Variants in RANBP3 observed in about 807,000 individuals in gnomAD.
RANBP3 encodes the protein ran-binding protein 3.
RANBP3 carries 14 observed loss-of-function variants against 77.3 expected under a neutral mutation model. The observed-to-expected ratio is 0.18, with a 90% confidence interval of 0.12 to 0.28. RANBP3 has a LOEUF of 0.28. Ranked by LOEUF, RANBP3 falls within the 10% of genes least tolerant of loss-of-function variation. RANBP3 has a pLI of 1.00. For synonymous variants in RANBP3, 315 were observed against 312.4 expected (o/e 1.01, Z -0.09); for missense variants, 586 against 752.3 (o/e 0.78, Z 2.59).
At chr19:5,918,121 G>C (rs1160376781) in intron 15 of RANBP3, 141 bp from the exon 16 acceptor site, 28 of 971,124 alleles carry the variant, frequency 2.9e-5, no homozygotes, top group Non-Finnish European at 3.7e-5. Flanking sequence ...CCCTGGGCCT[G>C]CCGGCCTCTC....
At chr19:5,957,195 CTG>C (rs1350639841) in intron 2 of RANBP3, among the ~76,000 whole-genome samples, 2 of 152,192 alleles carry the variant, frequency 1.3e-5, no homozygotes, top group Admixed American at 6.5e-5. Flanking sequence ...TGACAAAACT[CTG>C]ACCATCCACA....
chr19:5,957,776 G>A lies in RANBP3; in HGVS notation c.78+142C>T, dbSNP rs1218433094. 20 of 842,056 alleles carry A rather than the reference G, an allele frequency of 2.4e-5. No individual in the cohort carries two copies. In the Admixed American group the frequency reaches 4.2e-4, roughly 18 times the overall value. 52.2% of individuals were successfully genotyped at this position (842,056 alleles called of 1,614,324 possible). On this transcript the variant is annotated intron_variant, in intron 2 of 16. Coordinates refer to ENST00000340578, the MANE Select transcript of RANBP3 (RefSeq NM_007322.3). Reference sequence around the variant, plus strand: ...CAAGCCTTTTCCCTCCAAGCTCAACGTGAAAGTGTAAAGGCCTCTGCTTAG... The same window carrying A: ...CAAGCCTTTTCCCTCCAAGCTCAACATGAAAGTGTAAAGGCCTCTGCTTAG...
At chr19:5,936,618 A>G (rs1375442335) in intron 5 of RANBP3, among the ~76,000 whole-genome samples, 3 of 152,236 alleles carry the variant, frequency 2.0e-5, no homozygotes, top group Admixed American at 1.3e-4. Context: ...TGCAGATTCC[A>G]GGACTGGGAT....
intron 5 of RANBP3, among the ~76,000 whole-genome samples, chr19:5,940,725 G>T (rs1169139746): frequency 6.6e-6 from 1 of 152,224 alleles, no homozygotes; most frequent in Admixed American, 6.5e-5. Context: ...GGTAACCAGA[G>T]AACCTGTCTA....
chr19:5,933,145 T>G (rs1488312679), intron 6 of RANBP3: 1 of 431,510 alleles, frequency 2.3e-6, no homozygotes, highest in African/African-American at 2.0e-5. Context: ...GCGCTACTGC[T>G]GGGCATGGAG....
chr19:5,919,920 C>T (rs1215674833), intron 14 of RANBP3, among the ~76,000 whole-genome samples: 2 of 139,078 alleles, frequency 1.4e-5, no homozygotes, highest in African/African-American at 5.4e-5. Context: ...AAAAAAAAGA[C>T]GTCCATGGGG....
At chr19:5,946,050 T>G (rs1568465056) in intron 3 of RANBP3, among the ~76,000 whole-genome samples, 1 of 152,132 alleles carries the variant, frequency 6.6e-6, no homozygotes, top group Non-Finnish European at 1.5e-5. Context: ...TCTGAACATG[T>G]TGGCTGCTCC....
intron 2 of RANBP3, among the ~76,000 whole-genome samples, chr19:5,953,678 A>G (rs1053682938): frequency 2.6e-5 from 4 of 152,234 alleles, no homozygotes; most frequent in African/African-American, 7.2e-5. Flanking sequence ...CATTAAAAAG[A>G]AAAAGAAAGA....
intron 1 of RANBP3, among the ~76,000 whole-genome samples, chr19:5,964,250 C>T (rs60618199): frequency 7.0e-4 from 107 of 152,284 alleles, no homozygotes; most frequent in African/African-American, 2.2e-3. Flanking sequence ...GAAGCTTGGC[C>T]ATCTCTGCTC....
chr19:5,921,444 A>G lies in RANBP3; in HGVS notation c.1210-123T>C. The G allele has an allele frequency of 2.4e-5, 32 of 1,322,494 alleles. 1 individual carries two copies. Among genetic ancestry groups the G allele is most frequent in the Non-Finnish European group, 3.2e-5 (31 of 968,750 alleles). 81.9% of individuals were successfully genotyped at this position (1,322,494 alleles called of 1,614,324 possible). On this transcript the variant is annotated intron_variant, in intron 13 of 16. Coordinates refer to ENST00000340578, the MANE Select transcript of RANBP3 (RefSeq NM_007322.3). This position sits in a 1 kb window ranked among gnomAD's most constrained non-coding sequence, Gnocchi z 5.3. ...GCCAGCCAACGACGGCCTGGGGGCC[A>G]CCTTGGTCAGTTTTTTGTCCTGCCC... is the stretch of plus-strand genomic sequence containing the variant.
chr19:5,941,899 C>T lies in RANBP3; in HGVS notation c.283-64G>A, dbSNP rs369490543. 300 of 1,584,820 alleles carry T rather than the reference C, an allele frequency of 1.9e-4. No individual in the cohort carries two copies. In the African/African-American group the frequency reaches 3.4e-3, roughly 18 times the overall value. ...AGGCTCACGGCAGCCGAGCAACTCT[C>T]GGGGCCGTAACAAATATCCCAACAT... On this transcript the variant is annotated intron_variant, in intron 3 of 16. Coordinates refer to ENST00000340578, the MANE Select transcript of RANBP3 (RefSeq NM_007322.3).
At chr19:5,957,498 T>C (rs1194949917) in intron 2 of RANBP3, among the ~76,000 whole-genome samples, 1 of 151,990 alleles carries the variant, frequency 6.6e-6, no homozygotes, top group Admixed American at 6.6e-5. Context: ...AAGGTCTTGT[T>C]TCCCCTGTAA....
At position 5,917,372 on chromosome 19, in the gene RANBP3, G is replaced by A. The variant is rs1456090567; in HGVS notation, c.*238C>T. 5.7e-6 allele frequency: 3 copies of A among 529,264 alleles called. No homozygotes were observed. Among genetic ancestry groups the A allele is most frequent in the Non-Finnish European group, 1.0e-5 (3 of 298,236 alleles). 32.8% of individuals were successfully genotyped at this position (529,264 alleles called of 1,614,324 possible). A position where few individuals can be genotyped will look rare whatever the true frequency, so the allele number is the denominator to read the frequency against. ...GCCATTTCAATTCAAAGGAGGGGAG[G>A]GAGGAAATGTTCTTGTTTGTTCGCT... is the stretch of plus-strand genomic sequence containing the variant. On this transcript the variant is annotated 3_prime_UTR_variant, in exon 17 of 17. Coordinates refer to ENST00000340578, the MANE Select transcript of RANBP3 (RefSeq NM_007322.3).
chr19:5,973,770 T>C (rs2058556568), intron 1 of RANBP3, among the ~76,000 whole-genome samples: 1 of 152,220 alleles, frequency 6.6e-6, no homozygotes, highest in African/African-American at 2.4e-5. Flanking sequence ...TTTATTACTA[T>C]GAGCAGAGAC....
chr19:5,959,121 TGGAA>T lies in RANBP3; in HGVS notation c.23-1152_23-1149del, dbSNP rs1187678984. On this transcript the variant is annotated intron_variant, in intron 1 of 16. Coordinates refer to ENST00000340578, the MANE Select transcript of RANBP3 (RefSeq NM_007322.3). This position sits in a 1 kb window ranked among gnomAD's most constrained non-coding sequence, Gnocchi z 5.1. ...GCTGTGCTGGGGTCTCAAGAAGAGCTGGAAGGGAGAGCAGCAGCAGCTTGAAGTC... is the reference window on the plus strand; with the variant it reads ...GCTGTGCTGGGGTCTCAAGAAGAGCTGGGAGAGCAGCAGCAGCTTGAAGTC... 2.0e-5 allele frequency among the ~76,000 whole-genome samples: 3 copies of T among 151,420 alleles called. No individual in the cohort carries two copies.
intron 3 of RANBP3, among the ~76,000 whole-genome samples, chr19:5,942,625 C>T (rs1023389399): frequency 7.4e-5 from 11 of 147,688 alleles, no homozygotes; most frequent in Non-Finnish European, 1.2e-4. Context: ...CGCTTGAGCC[C>T]GGTAGGCGGA....
chr19:5,951,398 C>A lies in RANBP3; in HGVS notation c.277G>T (p.Ala93Ser). The change falls in exon 3 of 17, where the codon GCA becomes TCA. Residue 93 changes from alanine to serine, a missense_variant. Ala to Ser is a moderately conservative substitution (Grantham distance 99). Coordinates refer to ENST00000340578, the MANE Select transcript of RANBP3 (RefSeq NM_007322.3). Reference protein sequence around the residue: ...AQLPPFPRELAGRSAGGSSPE... With the variant: ...AQLPPFPRELSGRSAGGSSPE... ...CCGGGTAGGTGTGGACTTACCCCTG[C>A]CAGTTCTCGCGGAAAAGGAGGAAGC... 6.4e-7 allele frequency: 1 copy of A among 1,555,188 alleles called. No individual in the cohort carries two copies. Among genetic ancestry groups the A allele is most frequent in the Non-Finnish European group, 8.7e-7 (1 of 1,148,978 alleles).
chr19:5,919,114 G>A (rs1376897384), intron 14 of RANBP3, among the ~76,000 whole-genome samples: 2 of 152,124 alleles, frequency 1.3e-5, no homozygotes, highest in Non-Finnish European at 1.5e-5. Flanking sequence ...GGCCTCCCCT[G>A]AGTGGGCCAG....
rs1178203551 is a variant in RANBP3, at chr19:5,920,510, G to A, written c.1330+691C>T. Among the ~76,000 whole-genome samples, 9 of 152,276 alleles carry A rather than the reference G, an allele frequency of 5.9e-5. No homozygotes were observed. The East Asian group carries it at 7.7e-4, about 13-fold the overall frequency. ...ACCAATAGGGAAAAGTCCATTGACT[G>A]TCAATGGAATATTAACATGAAAGCT... On this transcript the variant is annotated intron_variant, in intron 14 of 16. Transcript: ENST00000340578.
Sources: allele counts gnomAD v4.1 joint callset (sites outside exome capture counted in the v4.1 genomes callset), GRCh38; gene constraint gnomAD v4.1.1; non-coding constraint Gnocchi (gnomAD v3.1); transcripts MANE v1.5; gene names NCBI Gene and HGNC (gene_info 2026-07-23, HGNC 2026-07-21).